TBCD: variants seen among roughly 807,000 people sequenced by gnomAD.
TBCD encodes tubulin folding cofactor D.
In TBCD, 105 loss-of-function variants were observed where a neutral mutation model predicts 169.3. That is an observed-to-expected ratio of 0.62 (90% CI 0.53 to 0.73). The LOEUF (loss-of-function observed/expected upper bound fraction) is 0.73. Among genes scored for constraint, TBCD ranks in the 30% least tolerant of loss-of-function variants. The pLI, the probability that TBCD is intolerant of heterozygous loss-of-function variation, is 0.00. For synonymous variants in TBCD, 700 were observed against 643.9 expected (o/e 1.09, Z -1.32); for missense variants, 1,444 against 1,600.1 (o/e 0.90, Z 1.66).
At chr17:82,867,307 CTGTT>C (rs1247320265) in intron 13 of TBCD, among the ~76,000 whole-genome samples, 11 of 152,232 alleles carry the variant, frequency 7.2e-5, no homozygotes, top group African/African-American at 2.7e-4. Context: ...TCGCGGTTGT[CTGTT>C]GGGAGTCGGT....
At chr17:82,901,007 C>T (rs376703081) in intron 18 of TBCD, among the ~76,000 whole-genome samples, 1 of 152,210 alleles carries the variant, frequency 6.6e-6, no homozygotes, top group African/African-American at 2.4e-5. Context: ...CGCTGCCGTC[C>T]GAGGGGGCGC....
At chr17:82,824,190 A>AT (rs1024688511) in intron 13 of TBCD, among the ~76,000 whole-genome samples, 42 of 150,036 alleles carry the variant, frequency 2.8e-4, no homozygotes, top group East Asian at 1.8e-3. Flanking sequence ...TTTTATTTTT[A>AT]TTTTTTTTTG....
Position 82,920,993 on chromosome 17 carries a change from G to A in TBCD, c.2101+375G>A, listed in dbSNP as rs1599567621. On this transcript the variant is annotated intron_variant, in intron 24 of 38. Transcript: ENST00000355528. The surrounding 1 kb of genome is among the most constrained non-coding windows in gnomAD (Gnocchi z 4.1). Reference sequence around the variant, plus strand: ...CACCACGGACCCTGTGGGCAGAGGCGGCTCCAGTTCCTCAGCAGCCCCCCA... The same window carrying A: ...CACCACGGACCCTGTGGGCAGAGGCAGCTCCAGTTCCTCAGCAGCCCCCCA... The A allele has an allele frequency of 7.1e-6, 2 of 282,836 alleles. No homozygotes were observed. The highest frequency in any genetic ancestry group is 2.3e-5 in the African/African-American group (1 of 44,268). The allele number at this position is 282,836 out of a possible 1,614,324, so 17.5% of individuals were successfully genotyped here.
intron 6 of TBCD, among the ~76,000 whole-genome samples, chr17:82,777,473 A>G (rs1386174237): frequency 6.6e-6 from 1 of 152,234 alleles, no homozygotes; most frequent in Non-Finnish European, 1.5e-5. Flanking sequence ...ATTATTGGAT[A>G]CAAGACAAAG....
At chr17:82,773,223 C>T (rs910513523) in intron 6 of TBCD, among the ~76,000 whole-genome samples, 4 of 152,186 alleles carry the variant, frequency 2.6e-5, no homozygotes, top group African/African-American at 7.2e-5. Flanking sequence ...CCTCATGCAG[C>T]GTCACCTTCA....
In TBCD at chr17:82,925,030, C is replaced by A; in HGVS notation, c.2352C>A (p.Gly784=). ...CGTTGGCCTTGGGCGCCCTTCCAGG[C>A]TTCCTTCTGAAAGGCCGGCTCCAGC... is the stretch of plus-strand genomic sequence containing the variant. ...GFSLALGALP[G]FLLKGRLQQV... is the part of the protein sequence containing the mutation. The change falls in exon 27 of 39, where the codon GGC becomes GGA. Residue 784 remains glycine (G), a synonymous_variant. Coordinates refer to ENST00000355528, the MANE Select transcript of TBCD (RefSeq NM_005993.5). 6.4e-7 allele frequency: 1 copy of A among 1,563,908 alleles called. No individual in the cohort carries two copies. The highest frequency in any genetic ancestry group is 8.7e-7 in the Non-Finnish European group (1 of 1,153,546).
At chr17:82,849,952 C>CTGTGCTGTTGTTGG (rs2055525238) in intron 13 of TBCD, among the ~76,000 whole-genome samples, 36 of 55,768 alleles carry the variant, frequency 6.5e-4, no homozygotes, top group African/African-American at 2.4e-3. Context: ...GCTGTTGTTG[C>CTGTGCTGTTGTTGG]CTGTGCTGCT....
chr17:82,816,643 C>G (rs1356927610), intron 13 of TBCD, among the ~76,000 whole-genome samples: 3 of 152,032 alleles, frequency 2.0e-5, no homozygotes, highest in Non-Finnish European at 2.9e-5. Context: ...AGGCGATCCT[C>G]TCACCTCAGC....
intron 13 of TBCD, among the ~76,000 whole-genome samples, chr17:82,824,062 G>C (rs1222453486): frequency 1.3e-5 from 2 of 151,628 alleles, no homozygotes; most frequent in African/African-American, 4.8e-5. Flanking sequence ...ATTTTATTTA[G>C]CATCATGTTT....
chr17:82,844,749 C>A (rs748615348), intron 13 of TBCD, among the ~76,000 whole-genome samples: 1 of 142,572 alleles, frequency 7.0e-6, no homozygotes, highest in Non-Finnish European at 1.6e-5. Flanking sequence ...ATGTTCAACC[C>A]CCTGTGTTAC....
chr17:82,911,426 G>A (rs1599474959), intron 22 of TBCD, among the ~76,000 whole-genome samples: 1 of 151,844 alleles, frequency 6.6e-6, no homozygotes, highest in East Asian at 1.9e-4. Context: ...GGCTGGATAG[G>A]GGGCTCTTTC....
At chr17:82,773,980 C>T (rs1267636331) in intron 6 of TBCD, among the ~76,000 whole-genome samples, 5 of 151,480 alleles carry the variant, frequency 3.3e-5, no homozygotes, top group Admixed American at 6.6e-5. Context: ...CCGCCCACCT[C>T]GGCCTCCCAA....
chr17:82,817,315 A>ACAG (rs551027304), intron 13 of TBCD, among the ~76,000 whole-genome samples: 2,316 of 151,538 alleles, frequency 0.015, 58 homozygotes, highest in African/African-American at 0.054. Flanking sequence ...TCTTTTTTTG[A>ACAG]GACAGGATCT....
chr17:82,794,123 T>C (rs1165610529), intron 7 of TBCD, among the ~76,000 whole-genome samples: 1 of 151,916 alleles, frequency 6.6e-6, no homozygotes, highest in Non-Finnish European at 1.5e-5. Context: ...TCGGGTGGAG[T>C]TGCTTTTCTT....
chr17:82,839,641 T>C (rs796082611), intron 13 of TBCD, among the ~76,000 whole-genome samples: 6 of 152,350 alleles, frequency 3.9e-5, no homozygotes, highest in Non-Finnish European at 7.4e-5. Context: ...AGCAATAATA[T>C]GAATTTGTGT....
intron 9 of TBCD, among the ~76,000 whole-genome samples, chr17:82,801,433 C>T (rs1021019101): frequency 1.2e-4 from 19 of 152,048 alleles, no homozygotes; most frequent in South Asian, 4.1e-4. Context: ...AGGAAGGTGG[C>T]GTGTGCGTCG....
At chr17:82,885,743 A>G (rs12602022) in intron 15 of TBCD, among the ~76,000 whole-genome samples, 151,118 of 152,276 alleles carry the variant, frequency 0.99, 74,990 homozygotes, top group Non-Finnish European at 1. Flanking sequence ...CTGAATATGA[A>G]GTGAAATAAT....
chr17:82,896,870 G>A (rs146101580), intron 17 of TBCD, among the ~76,000 whole-genome samples: 23 of 152,016 alleles, frequency 1.5e-4, no homozygotes, highest in African/African-American at 5.5e-4. Context: ...GCCGGCGCTG[G>A]GGGTGTTGGT....
At chr17:82,802,724 G>T (rs2050664339) in intron 9 of TBCD, among the ~76,000 whole-genome samples, 1 of 152,230 alleles carries the variant, frequency 6.6e-6, no homozygotes, top group Admixed American at 6.5e-5. Context: ...GCTGAACGAG[G>T]CCCCCTGCAT....
Sources: gnomAD v4.1 joint callset for allele counts (sites outside exome capture counted in the v4.1 genomes callset) on GRCh38, gnomAD v4.1.1 for gene constraint, Gnocchi (gnomAD v3.1) non-coding constraint, MANE v1.5 for transcripts, NCBI Gene and HGNC (gene_info 2026-07-23, HGNC 2026-07-21) for gene names.